The following ARIH2 variants were observed in gnomAD, a reference collection of about 807,000 sequenced individuals.
ARIH2 encodes E3 ubiquitin-protein ligase ARIH2.
A neutral mutation model predicts 79.8 loss-of-function variants in ARIH2; 12 were observed. That is an observed-to-expected ratio of 0.15 (90% CI 0.10 to 0.24). The LOEUF is 0.24. Ranked by LOEUF, ARIH2 falls within the 10% of genes least tolerant of loss-of-function variation. The probability of loss-of-function intolerance (pLI) is 1.00; values close to 1 mark genes in which losing one functional copy is unlikely to be tolerated. For missense variants in ARIH2, 301 were observed against 618.3 expected, an observed-to-expected ratio of 0.49 and a Z score of 5.44; for synonymous variants, 224 against 213.9, an observed-to-expected ratio of 1.05 and a Z score of -0.41.
rs1276419556 is a variant in ARIH2, at chr3:48,965,061, A to G, written c.387+79A>G. 27 of 1,390,654 alleles carry G rather than the reference A, an allele frequency of 1.9e-5. No homozygotes were observed. In the East Asian group the frequency reaches 4.3e-4, roughly 22 times the overall value. The allele number at this position is 1,390,654 out of a possible 1,614,324, so 86.1% of individuals were successfully genotyped here. A position where few individuals can be genotyped will look rare whatever the true frequency, so the allele number is the denominator to read the frequency against. On this transcript the variant is annotated intron_variant, in intron 5 of 15. Transcript: ENST00000356401. ...TTGGCTTGCAGTGTCCTTAAGAGCT[A>G]TCTTTACTTGGCTGGGTGCGGTGTG...
chr3:48,983,415 T>C lies in ARIH2; in HGVS notation c.*145T>C. On this transcript the variant is annotated 3_prime_UTR_variant, in exon 16 of 16. Transcript: ENST00000356401. Reference sequence around the variant, plus strand: ...GAGAGACACTGGCAACACCTCTTAGTTGATTTCTGTTTTCTTCTCTTTTCA... The same window carrying C: ...GAGAGACACTGGCAACACCTCTTAGCTGATTTCTGTTTTCTTCTCTTTTCA... The C allele has an allele frequency of 2.8e-6, 2 of 725,108 alleles. No individual in the cohort carries two copies. The highest frequency in any genetic ancestry group is 4.7e-6 in the Non-Finnish European group (2 of 421,514). The allele number at this position is 725,108 out of a possible 1,614,324, so 44.9% of individuals were successfully genotyped here. A position where few individuals can be genotyped will look rare whatever the true frequency, so the allele number is the denominator to read the frequency against.
At chr3:48,941,777 A>G (rs2088292991) in intron 3 of ARIH2, among the ~76,000 whole-genome samples, 1 of 150,422 alleles carries the variant, frequency 6.6e-6, no homozygotes, top group Admixed American at 6.6e-5. Flanking sequence ...TATTTTTAGT[A>G]GAGACGGGGT....
intron 3 of ARIH2, among the ~76,000 whole-genome samples, chr3:48,956,101 T>A (rs1340098131): frequency 6.6e-6 from 1 of 152,096 alleles, no homozygotes; most frequent in Non-Finnish European, 1.5e-5. Context: ...GTCTCCAATC[T>A]TCTGTGTACT....
chr3:48,944,226 C>T (rs1258622496), intron 3 of ARIH2, among the ~76,000 whole-genome samples: 1 of 151,816 alleles, frequency 6.6e-6, no homozygotes, highest in East Asian at 1.9e-4. Flanking sequence ...GTCTGGCCAC[C>T]AGCTGGTTAA....
intron 7 of ARIH2, among the ~76,000 whole-genome samples, chr3:48,969,502 T>C (rs911914691): frequency 4.6e-5 from 7 of 151,816 alleles, no homozygotes; most frequent in African/African-American, 7.3e-5. Context: ...TTTTTTTTTT[T>C]TGGAGACAGG....
chr3:48,934,688 T>G (rs1576194675), intron 3 of ARIH2: 4 of 985,458 alleles, frequency 4.1e-6, no homozygotes, highest in Non-Finnish European at 4.8e-6. Flanking sequence ...GATGTGTAAA[T>G]TCATTTTTAA....
intron 8 of ARIH2, chr3:48,970,975 G>A (rs1260641884): frequency 3.0e-6 from 1 of 329,218 alleles, no homozygotes; most frequent in Non-Finnish European, 5.7e-6. Context: ...CAGAGATTGT[G>A]TGGGATGTAT....
rs768894757 is a variant in ARIH2 at position 48,974,771 on chromosome 3, C to T, written c.889-46C>T. On this transcript the variant is annotated intron_variant, in intron 9 of 15. Coordinates refer to ENST00000356401, the MANE Select transcript of ARIH2 (RefSeq NM_006321.4). ...AGCTTTGTGTAATTTGTCTTAAAACCAACCTGGTGGTGTGTGAGCCTAATG... is the reference window on the plus strand; with the variant it reads ...AGCTTTGTGTAATTTGTCTTAAAACTAACCTGGTGGTGTGTGAGCCTAATG... 5.0e-6 allele frequency: 8 copies of T among 1,607,886 alleles called. No individual in the cohort carries two copies. In the African/African-American group the frequency reaches 8.0e-5, roughly 16 times the overall value.
At chr3:48,972,785 C>G (rs976100588) in intron 8 of ARIH2, among the ~76,000 whole-genome samples, 2 of 152,166 alleles carry the variant, frequency 1.3e-5, no homozygotes, top group Non-Finnish European at 2.9e-5. Context: ...GCGAACACAG[C>G]TCACTGCAGC....
intron 2 of ARIH2, among the ~76,000 whole-genome samples, chr3:48,923,680 C>T (rs1322215041): frequency 6.6e-6 from 1 of 152,014 alleles, no homozygotes; most frequent in African/African-American, 2.4e-5. Context: ...TGCCACCACG[C>T]CCAGCTAATT....
intron 3 of ARIH2, among the ~76,000 whole-genome samples, chr3:48,929,320 C>T (rs1345341028): frequency 4.0e-5 from 6 of 151,790 alleles, no homozygotes; most frequent in African/African-American, 9.7e-5. Flanking sequence ...CCTGTCCGTC[C>T]GTCCGTCCGT....
At chr3:48,973,861 C>CT (rs1470693495) in intron 9 of ARIH2, 45 bp downstream of exon 9, 1 of 1,408,536 alleles carries the variant, frequency 7.1e-7, no homozygotes, top group Non-Finnish European at 1.0e-6. Flanking sequence ...CTCCTTAGTG[C>CT]TGCCCAGGGC....
intron 1 of ARIH2, among the ~76,000 whole-genome samples, chr3:48,920,492 CT>C (rs1242750147): frequency 0.059 from 2,429 of 40,982 alleles, 484 homozygotes; most frequent in African/African-American, 0.22. Context: ...TGAGCAATTT[CT>C]TTTTTTTTTT....
At chr3:48,964,855 A>G in intron 4 of ARIH2, 64 bp from the exon 5 acceptor site, 2 of 1,268,458 alleles carry the variant, frequency 1.6e-6, no homozygotes, top group Non-Finnish European at 2.3e-6. Context: ...CTGTCCTGTT[A>G]TTGTTCAGGG....
intron 5 of ARIH2, among the ~76,000 whole-genome samples, chr3:48,966,408 GT>G (rs1333300554): frequency 2.0e-5 from 3 of 152,146 alleles, no homozygotes; most frequent in African/African-American, 7.2e-5. Context: ...TCCCCAGATT[GT>G]CTTTCTCTGC....
At chr3:48,951,466 G>A (rs980735850) in intron 3 of ARIH2, among the ~76,000 whole-genome samples, 2 of 152,086 alleles carry the variant, frequency 1.3e-5, no homozygotes, top group African/African-American at 4.8e-5. Context: ...CATAAAATGA[G>A]TTTGGAAGAA....
chr3:48,980,989 C>T (rs1321587531), intron 13 of ARIH2, among the ~76,000 whole-genome samples: 4 of 137,854 alleles, frequency 2.9e-5, no homozygotes, highest in Non-Finnish European at 6.1e-5. Flanking sequence ...CCATTGCACT[C>T]CAGCCTGGGT....
intron 5 of ARIH2, among the ~76,000 whole-genome samples, chr3:48,966,261 G>T (rs1349852971): frequency 1.3e-5 from 2 of 152,140 alleles, no homozygotes; most frequent in Non-Finnish European, 2.9e-5. Context: ...TAAGACAAAG[G>T]TTTCCAGAAG....
At chr3:48,955,720 A>G (rs957524706) in intron 3 of ARIH2, among the ~76,000 whole-genome samples, 3 of 152,030 alleles carry the variant, frequency 2.0e-5, no homozygotes, top group African/African-American at 7.2e-5. Context: ...CTGGCTTAAT[A>G]TTGTTTAGAA....
Sources: gnomAD v4.1 joint callset for allele counts (sites outside exome capture counted in the v4.1 genomes callset) on GRCh38, gnomAD v4.1.1 for gene constraint, MANE v1.5 for transcripts, NCBI Gene and HGNC (gene_info 2026-07-23, HGNC 2026-07-21) for gene names.